The following EFCAB8 variants were observed in gnomAD, a reference collection of about 807,000 sequenced individuals.
EFCAB8 encodes EF-hand calcium-binding domain-containing protein 8.
Under a neutral mutation model 116.3 loss-of-function variants are expected in EFCAB8, and 100 were observed. The ratio of observed to expected loss-of-function variants is 0.86; its 90% confidence interval spans 0.73 to 1.02. The LOEUF is 1.02. EFCAB8 is among the 50% of genes least tolerant of loss of function. EFCAB8 has a pLI of 0.00. For synonymous variants in EFCAB8, 558 were observed against 567.9 expected (o/e 0.98, Z 0.25); for missense variants, 1,320 against 1,416.9 (o/e 0.93, Z 1.10).
intron 11 of EFCAB8, 121 bp downstream of exon 11, chr20:32,898,744 T>C (rs2146222457): frequency 3.2e-6 from 2 of 619,986 alleles, no homozygotes; most frequent in Middle Eastern, 3.6e-4. Flanking sequence ...GGTTTAGTTT[T>C]TCCAGCATTG....
At chr20:32,918,630 A>G in intron 19 of EFCAB8, 56 bp downstream of exon 19, 1 of 1,497,054 alleles carries the variant, frequency 6.7e-7, no homozygotes, top group South Asian at 1.2e-5. Context: ...GCCGGCGTTC[A>G]CACACCGTCT....
At position 32,961,140 on chromosome 20, in the gene EFCAB8, C is replaced by T. The variant is rs1353399486; in HGVS notation, c.3398C>T (p.Ser1133Leu). Residue 1133 changes from serine to leucine, a missense_variant, in exon 27 of 27, where the codon TCG becomes TTG. By Grantham distance (145) the Ser-to-Leu change is moderately radical. Coordinates refer to ENST00000400522, the MANE Select transcript of EFCAB8 (RefSeq NM_001143967.2). ...TCCCCACTCTGTTCCCTGCAGATCT[C>T]GCCTCAGGTCTACCAAAGCCTGCAC... ...VPYGWMKHQI[S>L]PQVYQSLHFS... The T allele has an allele frequency of 3.2e-6, 5 of 1,552,016 alleles. No individual in the cohort carries two copies. Among genetic ancestry groups the T allele is most frequent in the Admixed American group, 2.0e-5 (1 of 50,984 alleles).
intron 22 of EFCAB8, among the ~76,000 whole-genome samples, chr20:32,941,258 TAA>T (rs756522913): frequency 2.2e-5 from 3 of 135,286 alleles, no homozygotes; most frequent in Admixed American, 7.4e-5. Flanking sequence ...AAACTCTGTT[TAA>T]AAAAAAAAAA....
At chr20:32,907,076 A>G in intron 13 of EFCAB8, 82 bp downstream of exon 13, 1 of 1,443,574 alleles carries the variant, frequency 6.9e-7, no homozygotes, top group Non-Finnish European at 9.1e-7. Flanking sequence ...CTCCCTGCCC[A>G]CGGCCCCACA....
At chr20:32,864,414 C>G (rs1984282597) in intron 2 of EFCAB8, among the ~76,000 whole-genome samples, 1 of 151,972 alleles carries the variant, frequency 6.6e-6, no homozygotes, top group Non-Finnish European at 1.5e-5. Context: ...GAAACCCCAT[C>G]TCTACAAAAA....
chr20:32,923,440 C>T (rs1166163778), intron 20 of EFCAB8, among the ~76,000 whole-genome samples: 1 of 146,232 alleles, frequency 6.8e-6, no homozygotes, highest in East Asian at 2.1e-4. Flanking sequence ...GAGCTGAGAT[C>T]GTGCCACTGC....
chr20:32,942,200 C>A (rs771964283), intron 22 of EFCAB8, among the ~76,000 whole-genome samples: 1 of 152,016 alleles, frequency 6.6e-6, no homozygotes, highest in Non-Finnish European at 1.5e-5. Flanking sequence ...CCTAAGTGAG[C>A]AAAACATTTT....
At chr20:32,891,333 T>C (rs144888271) in intron 7 of EFCAB8, among the ~76,000 whole-genome samples, 1 of 152,316 alleles carries the variant, frequency 6.6e-6, no homozygotes, top group African/African-American at 2.4e-5. Context: ...CCCGTGTTTG[T>C]TGGCTCATCA....
At chr20:32,917,199 T>G in intron 17 of EFCAB8, 102 bp from the exon 18 acceptor site, 1 of 912,398 alleles carries the variant, frequency 1.1e-6, no homozygotes, top group East Asian at 2.6e-5. Flanking sequence ...AGTATCCTCC[T>G]CTGAGTCGGC....
intron 1 of EFCAB8, among the ~76,000 whole-genome samples, chr20:32,862,889 T>A (rs1382852393): frequency 6.6e-6 from 1 of 152,192 alleles, no homozygotes; most frequent in Non-Finnish European, 1.5e-5. Flanking sequence ...CGCCTTGGCC[T>A]CCCAAAGTGC....
At chr20:32,908,246 C>A in intron 13 of EFCAB8, 29 bp from the exon 14 acceptor site, 1 of 1,249,488 alleles carries the variant, frequency 8.0e-7, no homozygotes, top group South Asian at 4.1e-5. Flanking sequence ...GACCCATGCT[C>A]AGCGTCTTGC....
intron 1 of EFCAB8, among the ~76,000 whole-genome samples, chr20:32,860,939 C>T (rs1243497561): frequency 6.6e-6 from 1 of 152,026 alleles, no homozygotes; most frequent in Non-Finnish European, 1.5e-5. Flanking sequence ...GGGGTTTCAC[C>T]ATGTTGCCCA....
chr20:32,891,106 A>C (rs1377135479), intron 7 of EFCAB8, among the ~76,000 whole-genome samples: 1 of 151,346 alleles, frequency 6.6e-6, no homozygotes, highest in Non-Finnish European at 1.5e-5. Flanking sequence ...TGGTGTTAAA[A>C]CCCCATTTAT....
chr20:32,893,064 C>T (rs1985995408), intron 8 of EFCAB8, 110 bp from the exon 9 acceptor site: 2 of 1,354,412 alleles, frequency 1.5e-6, no homozygotes, highest in Admixed American at 4.3e-5. Context: ...TGGTCTCGAA[C>T]TCCTGACCTC....
At chr20:32,868,034 G>A (rs1293927621) in intron 3 of EFCAB8, among the ~76,000 whole-genome samples, 3 of 151,788 alleles carry the variant, frequency 2.0e-5, no homozygotes, top group African/African-American at 4.8e-5. Flanking sequence ...TTAGAAACAA[G>A]GGCTTGCTAT....
rs756882077 is a variant in EFCAB8, at chr20:32,906,980, G to T, written c.1294G>T (p.Val432Phe). ...CAGGAACAACAGCATCCTCATCAGT[G>T]TCTCCAAGGACAAGGTCCGCCCCGA... Reference protein sequence around the residue: ...DSRNNSILISVSKDKNIRVWD... With the variant: ...DSRNNSILISFSKDKNIRVWD... Residue 432 changes from valine to phenylalanine, a missense_variant, in exon 13 of 27, where the codon GTC (valine) becomes TTC (phenylalanine). Transcript: ENST00000400522. 4 of 1,525,400 alleles carry T rather than the reference G, an allele frequency of 2.6e-6. No individual in the cohort carries two copies. The highest frequency in any genetic ancestry group is 2.6e-6 in the Non-Finnish European group (3 of 1,132,780). 94.5% of individuals were successfully genotyped at this position (1,525,400 alleles called of 1,614,324 possible). A position where few individuals can be genotyped will look rare whatever the true frequency, so the allele number is the denominator to read the frequency against.
chr20:32,898,348 C>T (rs1986264091), intron 10 of EFCAB8, 145 bp from the exon 11 acceptor site: 1 of 584,802 alleles, frequency 1.7e-6, no homozygotes, highest in African/African-American at 1.9e-5. Context: ...TGCGGGGCCA[C>T]ATCACTTTGT....
At chr20:32,945,967 GT>G (rs1196819196) in intron 23 of EFCAB8, among the ~76,000 whole-genome samples, 1 of 152,146 alleles carries the variant, frequency 6.6e-6, no homozygotes, top group African/African-American at 2.4e-5. Flanking sequence ...AATATGCTGG[GT>G]CCTTCAATAG....
intron 3 of EFCAB8, among the ~76,000 whole-genome samples, chr20:32,871,670 T>A (rs974745032): frequency 1.3e-5 from 2 of 152,100 alleles, no homozygotes; most frequent in Non-Finnish European, 2.9e-5. Context: ...GAAAATAGGA[T>A]CATTTTTCTC....
Sources: gnomAD v4.1 joint callset for allele counts (sites outside exome capture counted in the v4.1 genomes callset) on GRCh38, gnomAD v4.1.1 for gene constraint, MANE v1.5 for transcripts, NCBI Gene and HGNC (gene_info 2026-07-23, HGNC 2026-07-21) for gene names.